The following TNPO3 variants were observed in gnomAD, a reference collection of about 807,000 sequenced individuals.
TNPO3 encodes transportin 3, also known as transportin-3.
Under a neutral mutation model 122.8 loss-of-function variants are expected in TNPO3, and 65 were observed. The ratio of observed to expected loss-of-function variants is 0.53; its 90% CI spans 0.43 to 0.65. The LOEUF is 0.65. Ranked by LOEUF, TNPO3 falls within the 30% of genes least tolerant of loss-of-function variation. The pLI is 0.00. For synonymous variants in TNPO3, 372 were observed against 411.2 expected (o/e 0.90, Z 1.15); for missense variants, 850 against 1,136.7 (o/e 0.75, Z 3.63).
chr7:128,999,292 T>C (rs1801670474), intron 7 of TNPO3, among the ~76,000 whole-genome samples: 1 of 152,220 alleles, frequency 6.6e-6, no homozygotes, highest in African/African-American at 2.4e-5. Flanking sequence ...ACCTGTTTCC[T>C]TGAGTGTGAG....
At chr7:129,025,560 C>T (rs1285879662) in intron 1 of TNPO3, among the ~76,000 whole-genome samples, 1 of 151,806 alleles carries the variant, frequency 6.6e-6, no homozygotes, top group Non-Finnish European at 1.5e-5. Flanking sequence ...GCGGAATGGC[C>T]AGTAAAGTTC....
chr7:129,038,597 T>C (rs1213198959), intron 1 of TNPO3, among the ~76,000 whole-genome samples: 5 of 152,034 alleles, frequency 3.3e-5, no homozygotes. Flanking sequence ...CCAACAACAG[T>C]GGACTGGATA....
chr7:129,036,700 G>T (rs910672071), intron 1 of TNPO3, among the ~76,000 whole-genome samples: 10 of 151,944 alleles, frequency 6.6e-5, no homozygotes, highest in South Asian at 2.1e-4. Flanking sequence ...AAGGTTAAAA[G>T]AAATAAAGTT....
intron 19 of TNPO3, chr7:128,970,635 T>A (rs764277806): frequency 1.1e-4 from 19 of 174,460 alleles, no homozygotes; most frequent in Non-Finnish European, 1.9e-4. Flanking sequence ...TAGCAATTTT[T>A]AAAATTTTTT....
chr7:128,997,618 GAAGA>G, intron 7 of TNPO3, 83 bp from the exon 8 acceptor site: 1 of 1,171,680 alleles, frequency 8.5e-7, no homozygotes, highest in African/African-American at 1.6e-5. Context: ...GACCATATAG[GAAGA>G]AAGATATATT....
At chr7:129,001,313 G>C in intron 5 of TNPO3, 79 bp from the exon 6 acceptor site, 2 of 1,172,832 alleles carry the variant, frequency 1.7e-6, no homozygotes, top group African/African-American at 3.0e-5. Context: ...CACACCCTAG[G>C]GTTCAATCAA....
chr7:129,037,670 C>CT (rs1806856846), intron 1 of TNPO3, among the ~76,000 whole-genome samples: 1 of 152,130 alleles, frequency 6.6e-6, no homozygotes, highest in Admixed American at 6.5e-5. Context: ...ACAAAAATCT[C>CT]TGACTGAACC....
At chr7:128,986,622 T>G in intron 12 of TNPO3, 107 bp downstream of exon 12, 1 of 1,063,926 alleles carries the variant, frequency 9.4e-7, no homozygotes, top group South Asian at 1.7e-5. Flanking sequence ...TTATAAATTC[T>G]TAAACACTAA....
chr7:129,020,350 CAA>C (rs1452259232), intron 1 of TNPO3, among the ~76,000 whole-genome samples: 1 of 152,144 alleles, frequency 6.6e-6, no homozygotes, highest in Non-Finnish European at 1.5e-5. Context: ...AAAAATCTTC[CAA>C]AGATTTTAGC....
chr7:128,980,253 C>T (rs557683341), intron 14 of TNPO3, among the ~76,000 whole-genome samples: 4 of 152,226 alleles, frequency 2.6e-5, no homozygotes, highest in Middle Eastern at 3.2e-3. Flanking sequence ...CAAATTCAAT[C>T]CAACTTTGGG....
chr7:128,970,566 A>G (rs543026092), intron 19 of TNPO3, among the ~76,000 whole-genome samples: 2 of 152,306 alleles, frequency 1.3e-5, no homozygotes, highest in South Asian at 4.1e-4. Flanking sequence ...GTTTCAACAG[A>G]GATTAATGCT....
intron 11 of TNPO3, among the ~76,000 whole-genome samples, chr7:128,988,060 G>A (rs922828730): frequency 7.3e-5 from 11 of 151,664 alleles, no homozygotes; most frequent in Non-Finnish European, 1.0e-4. Flanking sequence ...TGCAAACTCC[G>A]CCTCCCGGGT....
chr7:128,973,735 CAAAAAA>C (rs71162544), intron 18 of TNPO3, among the ~76,000 whole-genome samples: 21 of 5,272 alleles, frequency 4.0e-3, no homozygotes, highest in Non-Finnish European at 5.8e-3. Flanking sequence ...GACTCCGTCT[CAAAAAA>C]AAAAAAAAAA....
At chr7:129,046,855 A>G (rs1390875315) in intron 1 of TNPO3, among the ~76,000 whole-genome samples, 1 of 152,160 alleles carries the variant, frequency 6.6e-6, no homozygotes, top group Non-Finnish European at 1.5e-5. Context: ...AGAACTTGTG[A>G]GACTTATTCA....
intron 4 of TNPO3, among the ~76,000 whole-genome samples, chr7:129,005,427 G>A (rs986428733): frequency 2.6e-5 from 4 of 151,958 alleles, no homozygotes; most frequent in Admixed American, 6.6e-5. Flanking sequence ...CTTAATCCCC[G>A]AAATGGTTTC....
rs746145171 is a variant in TNPO3, at chr7:129,005,155, G to C, written c.557C>G (p.Thr186Ser). Residue 186 changes from threonine (T) to serine (S), a missense_variant, in exon 5 of 23, where the codon ACC (threonine) becomes AGC (serine). Thr to Ser is a moderately conservative substitution (Grantham distance 58). Transcript: ENST00000265388. ...YSSTVVSLLM[T>S]CVEKAGTDEK... ...ATCTGTTCCTGCTTTTTCTACACAG[G>C]TCATCTGAATAGAGAAAAAAACTTA... 1.9e-6 allele frequency: 3 copies of C among 1,612,316 alleles called. No homozygotes were observed. The highest frequency in any genetic ancestry group is 4.5e-5 in the East Asian group (2 of 44,800).
At chr7:128,995,319 T>A (rs1801190628) in intron 8 of TNPO3, among the ~76,000 whole-genome samples, 1 of 152,230 alleles carries the variant, frequency 6.6e-6, no homozygotes, top group Non-Finnish European at 1.5e-5. Flanking sequence ...GACACACTTC[T>A]GTAAACAGAG....
chr7:129,055,870 A>G, upstream of TNPO3: 1 of 595,220 alleles, frequency 1.7e-6, no homozygotes. Flanking sequence ...CCTTTGCACT[A>G]GTAAATAACT....
intron 1 of TNPO3, among the ~76,000 whole-genome samples, chr7:129,038,790 A>C (rs1445032853): frequency 6.6e-6 from 1 of 152,214 alleles, no homozygotes; most frequent in Non-Finnish European, 1.5e-5. Flanking sequence ...ATGAGAACAC[A>C]TGAACACAAA....
Sources: gnomAD v4.1 joint callset for allele counts (sites outside exome capture counted in the v4.1 genomes callset) on GRCh38, gnomAD v4.1.1 for gene constraint, MANE v1.5 for transcripts, NCBI Gene and HGNC (gene_info 2026-07-23, HGNC 2026-07-21) for gene names.